The following ASXL3 variants were observed in gnomAD, a reference collection of about 807,000 sequenced individuals.
The protein encoded by ASXL3 is ASXL transcriptional regulator 3.
A neutral mutation model predicts 170.6 loss-of-function variants in ASXL3; 34 were observed. The observed-to-expected ratio is 0.20, with a 90% CI of 0.15 to 0.27. ASXL3 has a LOEUF of 0.27. ASXL3 is among the 10% of genes least tolerant of loss of function. ASXL3 has a pLI of 1.00. For synonymous variants in ASXL3, 1,002 were observed against 989.1 expected (o/e 1.01, Z -0.24); for missense variants, 2,592 against 2,695.3 (o/e 0.96, Z 0.85).
intron 8 of ASXL3, among the ~76,000 whole-genome samples, chr18:33,730,474 C>CCAAA (rs1178306564): frequency 3.3e-5 from 5 of 152,126 alleles, no homozygotes; most frequent in African/African-American, 1.2e-4. Context: ...GAACATAGCA[C>CCAAA]CAAACAGCAT....
chr18:33,731,283 T>G (rs1244823202), intron 8 of ASXL3, among the ~76,000 whole-genome samples: 1 of 152,134 alleles, frequency 6.6e-6, no homozygotes, highest in Non-Finnish European at 1.5e-5. Flanking sequence ...GATATATGAA[T>G]TCTATATGTG....
intron 3 of ASXL3, among the ~76,000 whole-genome samples, chr18:33,645,793 A>G (rs1007316898): frequency 6.6e-6 from 1 of 151,838 alleles, no homozygotes; most frequent in African/African-American, 2.4e-5. Context: ...CAAAGCAGGG[A>G]TTCTTCTTTA....
intron 2 of ASXL3, among the ~76,000 whole-genome samples, chr18:33,619,735 T>G (rs1398161336): frequency 1.3e-5 from 2 of 152,126 alleles, no homozygotes. Context: ...CTTGCTAACC[T>G]ACTAGTCAAA....
chr18:33,581,248 T>A (rs1260895030), intron 1 of ASXL3, among the ~76,000 whole-genome samples: 1 of 152,196 alleles, frequency 6.6e-6, no homozygotes, highest in Non-Finnish European at 1.5e-5. Flanking sequence ...ACACAATGCT[T>A]CTGATGATTT....
intron 5 of ASXL3, among the ~76,000 whole-genome samples, chr18:33,669,508 CTT>C (rs1381110433): frequency 6.6e-6 from 1 of 152,154 alleles, no homozygotes; most frequent in Non-Finnish European, 1.5e-5. Context: ...AATTTAAATG[CTT>C]TCTCTCATTT....
intron 4 of ASXL3, among the ~76,000 whole-genome samples, chr18:33,658,427 A>G (rs1163747909): frequency 6.6e-6 from 1 of 152,148 alleles, no homozygotes; most frequent in Non-Finnish European, 1.5e-5. Flanking sequence ...TTCTCACGTC[A>G]TACGCATGGA....
intron 8 of ASXL3, among the ~76,000 whole-genome samples, chr18:33,688,168 A>G (rs2066627857): frequency 6.6e-6 from 1 of 152,158 alleles, no homozygotes; most frequent in Non-Finnish European, 1.5e-5. Context: ...AGGGAATGGA[A>G]TATACAAATT....
intron 9 of ASXL3, among the ~76,000 whole-genome samples, chr18:33,732,849 A>C (rs1164468472): frequency 8.1e-6 from 1 of 123,192 alleles, no homozygotes; most frequent in Non-Finnish European, 1.6e-5. Flanking sequence ...CAACAGAGTG[A>C]CACCCTGTCT....
chr18:33,672,426 A>G (rs939641187), intron 7 of ASXL3, among the ~76,000 whole-genome samples: 2 of 152,206 alleles, frequency 1.3e-5, no homozygotes, highest in African/African-American at 4.8e-5. Flanking sequence ...TTTCTTCAAC[A>G]TACTTCTTTC....
rs2067867818 is a variant in ASXL3, at chr18:33,750,513, GAT to G, written c.*3921_*3922del. ...TCCTTCCCCTGCTTCATGGAAACCT[GAT>G]ATGATACATATTTTCAGTAGTTTTT... On this transcript the variant is annotated 3_prime_UTR_variant, in exon 12 of 12. Transcript: ENST00000269197. 6.7e-6 allele frequency: 1 copy of G among 150,082 alleles called. No individual in the cohort carries two copies. Among genetic ancestry groups the G allele is most frequent in the Non-Finnish European group, 1.5e-5 (1 of 67,750 alleles). 9.3% of individuals were successfully genotyped at this position (150,082 alleles called of 1,614,324 possible).
At position 33,596,084 on chromosome 18, in the gene ASXL3, T is replaced by C. The variant is rs116512402; in HGVS notation, c.55-11510T>C. ...CTACATGTGCTAGTTACTGGAAATA[T>C]AGCAGCAAACACATATCAAGATAAC... On this transcript the variant is annotated intron_variant, in intron 1 of 11. Coordinates refer to ENST00000269197, the MANE Select transcript of ASXL3 (RefSeq NM_030632.3). Among the ~76,000 whole-genome samples the C allele has an allele frequency of 3.9e-3, 601 of 152,236 alleles. 5 individuals carry two copies. The highest frequency in any genetic ancestry group is 9.7e-3 in the African/African-American group (405 of 41,546).
chr18:33,642,953 G>A (rs144550115), intron 2 of ASXL3, among the ~76,000 whole-genome samples: 1 of 151,800 alleles, frequency 6.6e-6, no homozygotes, highest in Non-Finnish European at 1.5e-5. Flanking sequence ...TAGGGCCTTA[G>A]GAATAAAGAG....
At chr18:33,588,197 G>A (rs1025733744) in intron 1 of ASXL3, among the ~76,000 whole-genome samples, 5 of 152,148 alleles carry the variant, frequency 3.3e-5, no homozygotes, top group East Asian at 1.9e-4. Context: ...CTAGCAGATC[G>A]TTATCTAGCT....
chr18:33,696,861 T>G (rs1450066894), intron 8 of ASXL3, among the ~76,000 whole-genome samples: 1 of 152,120 alleles, frequency 6.6e-6, no homozygotes, highest in African/African-American at 2.4e-5. Flanking sequence ...ACCAAACATA[T>G]GGGTAAAATG....
intron 8 of ASXL3, among the ~76,000 whole-genome samples, chr18:33,721,459 T>G (rs893422007): frequency 6.6e-6 from 1 of 152,110 alleles, no homozygotes; most frequent in African/African-American, 2.4e-5. Context: ...ATGTGTATAT[T>G]AAAGTACATG....
intron 9 of ASXL3, among the ~76,000 whole-genome samples, chr18:33,733,320 T>C (rs929932315): frequency 2.6e-5 from 4 of 152,168 alleles, no homozygotes; most frequent in Admixed American, 2.6e-4. Flanking sequence ...CTCTTCCCTC[T>C]CAACTCCTTC....
At chr18:33,738,328 A>T (rs567375941) in intron 10 of ASXL3, among the ~76,000 whole-genome samples, 159 bp from the exon 11 acceptor site, 18 of 152,234 alleles carry the variant, frequency 1.2e-4, no homozygotes, top group Non-Finnish European at 2.2e-4. Flanking sequence ...GCAAAGAAAC[A>T]TCATCATTGT....
chr18:33,586,164 G>A (rs940031524), intron 1 of ASXL3, among the ~76,000 whole-genome samples: 1 of 151,854 alleles, frequency 6.6e-6, no homozygotes, highest in African/African-American at 2.4e-5. Context: ...TTTCCAGCTC[G>A]GTCATAGAGA....
At position 33,744,509 on chromosome 18, in the gene ASXL3, C is replaced by T; in HGVS notation, c.4661C>T (p.Ala1554Val). ...AAACAAGACAGTAAAACATTGCCGGCCACCTGCACAAGTCTCCGAGAATTA... is the reference window on the plus strand; with the variant it reads ...AAACAAGACAGTAAAACATTGCCGGTCACCTGCACAAGTCTCCGAGAATTA... The part of the protein sequence containing the change: ...AAKQDSKTLP[A>V]TCTSLRELPL... Residue 1554 changes from alanine to valine, a missense_variant, in exon 12 of 12, where the codon GCC (alanine) becomes GTC (valine). Physicochemically the swap from Ala to Val is moderately conservative, Grantham distance 64. Coordinates refer to ENST00000269197, the MANE Select transcript of ASXL3 (RefSeq NM_030632.3). The T allele has an allele frequency of 6.2e-7, 1 of 1,612,402 alleles. No homozygotes were observed.
Sources: allele counts gnomAD v4.1 joint callset (sites outside exome capture counted in the v4.1 genomes callset), GRCh38; gene constraint gnomAD v4.1.1; transcripts MANE v1.5; gene names NCBI Gene and HGNC (gene_info 2026-07-23, HGNC 2026-07-21).